CEP112: variants seen among roughly 807,000 people sequenced by gnomAD.
The protein encoded by CEP112 is centrosomal protein 112, also known as centrosomal protein of 112 kDa.
Under a neutral mutation model 153.0 loss-of-function variants are expected in CEP112, and 127 were observed. The observed-to-expected ratio is 0.83, with a 90% confidence interval of 0.72 to 0.96. CEP112 has a LOEUF of 0.96. Among genes scored for constraint, CEP112 ranks in the 40% least tolerant of loss-of-function variants. The probability of loss-of-function intolerance (pLI) is 0.00; values close to 1 mark genes in which losing one functional copy is unlikely to be tolerated. For synonymous variants in CEP112, 358 were observed against 374.4 expected, an observed-to-expected ratio of 0.96 and a Z score of 0.51; for missense variants, 1,089 against 1,101.2, an observed-to-expected ratio of 0.99 and a Z score of 0.16.
intron 18 of CEP112, among the ~76,000 whole-genome samples, chr17:65,956,943 C>A (rs1183939126): frequency 1.3e-5 from 2 of 151,982 alleles, no homozygotes; most frequent in Non-Finnish European, 2.9e-5. Context: ...ATGGTTTTTG[C>A]TATATAGCTG....
At chr17:65,877,733 A>C (rs954646780) in intron 20 of CEP112, among the ~76,000 whole-genome samples, 9 of 152,224 alleles carry the variant, frequency 5.9e-5, no homozygotes, top group Non-Finnish European at 1.3e-4. Context: ...TGGTAGGCTG[A>C]TTTCTATGAA....
At chr17:66,006,086 C>T (rs1167418803) in intron 16 of CEP112, among the ~76,000 whole-genome samples, 1 of 151,968 alleles carries the variant, frequency 6.6e-6, no homozygotes, top group African/African-American at 2.4e-5. Flanking sequence ...AGAAATCTTA[C>T]AAGATTCAAG....
chr17:66,104,779 A>T (rs1441505093), intron 6 of CEP112, among the ~76,000 whole-genome samples: 1 of 152,148 alleles, frequency 6.6e-6, no homozygotes, highest in Non-Finnish European at 1.5e-5. Flanking sequence ...GACATATTTA[A>T]AGTGCTGAGG....
At chr17:65,892,674 C>A (rs116661990) in intron 20 of CEP112, among the ~76,000 whole-genome samples, 1 of 152,108 alleles carries the variant, frequency 6.6e-6, no homozygotes, top group Non-Finnish European at 1.5e-5. Flanking sequence ...GAACTCATGG[C>A]ATTTGTCTAA....
At chr17:65,728,562 T>C (rs2050312519) in intron 23 of CEP112, among the ~76,000 whole-genome samples, 1 of 152,190 alleles carries the variant, frequency 6.6e-6, no homozygotes, top group East Asian at 1.9e-4. Flanking sequence ...GTTGTACCAG[T>C]GGTACTTGAG....
chr17:65,870,793 G>A (rs1311821439), intron 20 of CEP112, among the ~76,000 whole-genome samples: 1 of 152,208 alleles, frequency 6.6e-6, no homozygotes, highest in East Asian at 1.9e-4. Flanking sequence ...GAGTTTCCAG[G>A]AGTGACAGGT....
intron 21 of CEP112, among the ~76,000 whole-genome samples, chr17:65,770,280 C>T (rs1017736158): frequency 1.3e-5 from 2 of 151,692 alleles, no homozygotes; most frequent in Non-Finnish European, 2.9e-5. Context: ...ATTAAAAAGA[C>T]AGGAATCAAT....
chr17:65,979,039 A>G (rs1381874808), intron 17 of CEP112, among the ~76,000 whole-genome samples: 1 of 152,132 alleles, frequency 6.6e-6, no homozygotes, highest in Non-Finnish European at 1.5e-5. Flanking sequence ...TTAAGCCAGC[A>G]TGTTCACTGG....
rs377280944 is a variant in CEP112 at position 66,176,819 on chromosome 17, T to C, written c.297+11A>G. On this transcript the variant is annotated intron_variant, in intron 3 of 26. Transcript: ENST00000535342. ...GAAACTAATATATACCTTTTGTTCA[T>C]TGATACCTACCATGTATGAAGGTAG... 30 of 1,586,704 alleles carry C rather than the reference T, an allele frequency of 1.9e-5. No individual in the cohort carries two copies. Among genetic ancestry groups the C allele is most frequent in the Middle Eastern group, 1.7e-4 (1 of 5,892 alleles).
At chr17:65,762,510 A>G (rs1438432657) in intron 21 of CEP112, among the ~76,000 whole-genome samples, 1 of 151,804 alleles carries the variant, frequency 6.6e-6, no homozygotes, top group Non-Finnish European at 1.5e-5. Context: ...CAGTTTTCCT[A>G]TTTTTGTCTT....
At chr17:66,049,159 A>C (rs1053447473) in intron 12 of CEP112, among the ~76,000 whole-genome samples, 3 of 152,150 alleles carry the variant, frequency 2.0e-5, no homozygotes, top group African/African-American at 7.2e-5. Context: ...GGTTCACCCC[A>C]TCCTTGCTAC....
chr17:66,019,131 G>T (rs2145601065), intron 16 of CEP112, among the ~76,000 whole-genome samples: 1 of 152,298 alleles, frequency 6.6e-6, no homozygotes, highest in East Asian at 1.9e-4. Context: ...ATTAGGGACA[G>T]CATCTGATGC....
At chr17:65,998,254 A>G (rs2063865306) in intron 17 of CEP112, among the ~76,000 whole-genome samples, 1 of 151,846 alleles carries the variant, frequency 6.6e-6, no homozygotes, top group Non-Finnish European at 1.5e-5. Context: ...ATGGTGGCAC[A>G]TGCCTGTGGT....
At chr17:65,895,186 T>C (rs1267747911) in intron 20 of CEP112, among the ~76,000 whole-genome samples, 1 of 152,050 alleles carries the variant, frequency 6.6e-6, no homozygotes, top group Non-Finnish European at 1.5e-5. Flanking sequence ...AAAATACATA[T>C]AGTCATCTTC....
At chr17:65,638,777 A>G (rs934913947) in intron 25 of CEP112, among the ~76,000 whole-genome samples, 10 of 152,304 alleles carry the variant, frequency 6.6e-5, no homozygotes, top group Non-Finnish European at 1.5e-4. Context: ...CTGAGGCCCT[A>G]TCGCAGCTGG....
chr17:65,824,821 GTTA>G (rs2056761541), intron 21 of CEP112, among the ~76,000 whole-genome samples: 2 of 152,302 alleles, frequency 1.3e-5, no homozygotes, highest in Non-Finnish European at 2.9e-5. Flanking sequence ...CATTACAATG[GTTA>G]TTATAAACAG....
At chr17:65,879,708 T>C (rs2058986386) in intron 20 of CEP112, among the ~76,000 whole-genome samples, 2 of 151,848 alleles carry the variant, frequency 1.3e-5, no homozygotes, top group East Asian at 1.9e-4. Context: ...ATTATATTTA[T>C]TAAATGAAAA....
chr17:65,950,734 A>C (rs2061801922), intron 18 of CEP112, among the ~76,000 whole-genome samples: 1 of 151,630 alleles, frequency 6.6e-6, no homozygotes, highest in Non-Finnish European at 1.5e-5. Flanking sequence ...TAGTAGTAGT[A>C]GTAGTATTTT....
intron 20 of CEP112, among the ~76,000 whole-genome samples, chr17:65,859,513 A>C (rs1255351178): frequency 6.6e-6 from 1 of 151,788 alleles, no homozygotes; most frequent in Non-Finnish European, 1.5e-5. Flanking sequence ...AAAACATCTG[A>C]TAAAATTAAA....
Sources: allele counts gnomAD v4.1 joint callset (sites outside exome capture counted in the v4.1 genomes callset), GRCh38; gene constraint gnomAD v4.1.1; transcripts MANE v1.5; gene names NCBI Gene and HGNC (gene_info 2026-07-23, HGNC 2026-07-21).